IQSEC1: variants seen among roughly 807,000 people sequenced by gnomAD.
IQSEC1 encodes IQ motif and SEC7 domain-containing protein 1.
In IQSEC1, 31 loss-of-function variants were observed where a neutral mutation model predicts 91.0. The ratio of observed to expected loss-of-function variants is 0.34; its 90% CI spans 0.26 to 0.46. The LOEUF is 0.46. IQSEC1 is among the 20% of genes least tolerant of loss of function. The pLI is 1.00. For synonymous variants in IQSEC1, 699 were observed against 662.6 expected (o/e 1.05, Z -0.84); for missense variants, 1,388 against 1,575.6 (o/e 0.88, Z 2.02).
rs1169390819 is a variant in IQSEC1, at chr3:13,103,743, C to G, written c.303-56221G>C. 6.6e-6 allele frequency among the ~76,000 whole-genome samples: 1 copy of G among 152,146 alleles called. No homozygotes were observed. On this transcript the variant is annotated intron_variant, in intron 2 of 15. Transcript: ENST00000648114. The surrounding 1 kb of genome is among the most constrained non-coding windows in gnomAD (Gnocchi z 4.1). ...TGACCCCCAGAGGGTGCGCCTCCTA[C>G]CCCTGGGAGCTCCCCGGTATTCCAT...
At chr3:12,976,587 C>T (rs1701185816) in intron 1 of IQSEC1, among the ~76,000 whole-genome samples, 1 of 152,212 alleles carries the variant, frequency 6.6e-6, no homozygotes, top group Admixed American at 6.5e-5. Flanking sequence ...GTCACTTCTT[C>T]CTCGGGACCT....
In IQSEC1 at chr3:13,057,608, A is replaced by C. The variant is rs543464225; in HGVS notation, c.23+15384T>G. On this transcript the variant is annotated intron_variant, in intron 1 of 13. Coordinates refer to ENST00000613206, the MANE Select transcript of IQSEC1 (RefSeq NM_001134382.3). Reference sequence around the variant, plus strand: ...CAGCCCTGGTCTTAGGTGGCCGAGCACAGACAGGAGAAGCACCTGGCACAG... The same window carrying C: ...CAGCCCTGGTCTTAGGTGGCCGAGCCCAGACAGGAGAAGCACCTGGCACAG... Among the ~76,000 whole-genome samples the C allele has an allele frequency of 2.0e-5, 3 of 152,326 alleles. No homozygotes were observed. In the East Asian group the frequency reaches 5.8e-4, roughly 29 times the overall value.
intron 1 of IQSEC1, among the ~76,000 whole-genome samples, chr3:13,013,690 A>G (rs557822353): frequency 6.6e-6 from 1 of 152,306 alleles, no homozygotes; most frequent in South Asian, 2.1e-4. Context: ...TTAGTCATAT[A>G]TTGCTTGACT....
At chr3:13,108,680 G>C (rs1706192980) in intron 2 of IQSEC1, among the ~76,000 whole-genome samples, 1 of 152,164 alleles carries the variant, frequency 6.6e-6, no homozygotes, top group East Asian at 1.9e-4. Context: ...CTCCAGGGTA[G>C]AAAACCCAGC....
intron 2 of IQSEC1, among the ~76,000 whole-genome samples, chr3:13,120,436 GC>G (rs1397938444): frequency 6.6e-6 from 1 of 152,152 alleles, no homozygotes; most frequent in Non-Finnish European, 1.5e-5. Context: ...TCCCATTCCT[GC>G]TCTGCTGCCC....
chr3:13,012,311 G>A (rs73147220), intron 1 of IQSEC1, among the ~76,000 whole-genome samples: 3 of 152,142 alleles, frequency 2.0e-5, no homozygotes, highest in Non-Finnish European at 2.9e-5. Flanking sequence ...CATTTGCCAG[G>A]CTACCTCCTC....
At chr3:12,933,627 G>T (rs1469036144) in intron 3 of IQSEC1, among the ~76,000 whole-genome samples, 3 of 152,186 alleles carry the variant, frequency 2.0e-5, no homozygotes, top group Admixed American at 2.0e-4. Flanking sequence ...GGGACGGGGG[G>T]TTATGCTGCC....
intron 2 of IQSEC1, among the ~76,000 whole-genome samples, chr3:13,092,855 C>A (rs910463077): frequency 6.6e-6 from 1 of 152,234 alleles, no homozygotes; most frequent in Non-Finnish European, 1.5e-5. Context: ...AACTTTCCAT[C>A]TCCAAGGCCG....
chr3:13,207,359 C>T lies in IQSEC1; in HGVS notation c.273-43226G>A, dbSNP rs975097492. On this transcript the variant is annotated intron_variant, in intron 1 of 15. Coordinates refer to the IQSEC1 transcript ENST00000648114. This position sits in a 1 kb window ranked among gnomAD's most constrained non-coding sequence, Gnocchi z 4.8. Reference sequence around the variant, plus strand: ...CCCATCGCCAATCTGCCTACTTCTCCCCCTCCACGGCCACCTCCCTGACCC... The same window carrying T: ...CCCATCGCCAATCTGCCTACTTCTCTCCCTCCACGGCCACCTCCCTGACCC... Among the ~76,000 whole-genome samples the T allele has an allele frequency of 6.6e-6, 1 of 152,150 alleles. No homozygotes were observed. The highest frequency in any genetic ancestry group is 1.5e-5 in the Non-Finnish European group (1 of 68,030).
intron 1 of IQSEC1, among the ~76,000 whole-genome samples, chr3:13,165,537 C>CGTGTGTGTGTGT (rs57239903): frequency 1.4e-4 from 9 of 66,642 alleles, no homozygotes; most frequent in African/African-American, 4.0e-4. Context: ...GGGGGGGTGG[C>CGTGTGTGTGTGT]GTGTGTGTGT....
chr3:12,965,491 G>A (rs939761124), intron 1 of IQSEC1, among the ~76,000 whole-genome samples: 3 of 152,214 alleles, frequency 2.0e-5, no homozygotes, highest in Non-Finnish European at 4.4e-5. Flanking sequence ...CACATACCAG[G>A]TGCTCCAGAG....
intron 1 of IQSEC1, among the ~76,000 whole-genome samples, chr3:13,172,141 T>C (rs1373723374): frequency 2.6e-5 from 4 of 152,200 alleles, no homozygotes; most frequent in Admixed American, 6.5e-5. Flanking sequence ...CCTGTCCAAA[T>C]AGCATTTGAG....
chr3:13,041,072 C>T (rs1478523216), intron 1 of IQSEC1, among the ~76,000 whole-genome samples: 1 of 152,168 alleles, frequency 6.6e-6, no homozygotes, highest in Non-Finnish European at 1.5e-5. Flanking sequence ...TGGTTTTATT[C>T]TGCTCACCTG....
chr3:13,086,934 G>A lies in IQSEC1; in HGVS notation c.303-39412C>T, dbSNP rs1269265056. Among the ~76,000 whole-genome samples the A allele has an allele frequency of 3.9e-5, 6 of 152,234 alleles. No individual in the cohort carries two copies. In the East Asian group the frequency reaches 5.8e-4, roughly 15 times the overall value. Reference sequence around the variant, plus strand: ...AGGGTCACCCCCTGTCTTGGTTATCGTGGCATCCCCCAGTGCACTGAATGG... The same window carrying A: ...AGGGTCACCCCCTGTCTTGGTTATCATGGCATCCCCCAGTGCACTGAATGG... On this transcript the variant is annotated intron_variant, in intron 2 of 15. Transcript: ENST00000648114.
chr3:12,978,576 G>A (rs1156415785), intron 1 of IQSEC1, among the ~76,000 whole-genome samples: 3 of 151,928 alleles, frequency 2.0e-5, no homozygotes, highest in African/African-American at 7.3e-5. Flanking sequence ...CGTGGGGCGG[G>A]TGCCTGTACT....
intron 1 of IQSEC1, among the ~76,000 whole-genome samples, chr3:13,050,365 C>A (rs1704651641): frequency 6.6e-6 from 1 of 152,110 alleles, no homozygotes; most frequent in South Asian, 2.1e-4. Context: ...CTCAGCCCAG[C>A]AGTCCTGAAT....
intron 2 of IQSEC1, among the ~76,000 whole-genome samples, chr3:13,118,854 C>A (rs1057201869): frequency 6.6e-6 from 1 of 152,072 alleles, no homozygotes; most frequent in Non-Finnish European, 1.5e-5. Context: ...GGTGGTGGGT[C>A]ACCAGGTCAA....
intron 13 of IQSEC1, among the ~76,000 whole-genome samples, chr3:12,901,768 T>C (rs552961822): frequency 6.6e-6 from 1 of 152,092 alleles, no homozygotes; most frequent in Non-Finnish European, 1.5e-5. Flanking sequence ...GGCCCATCTC[T>C]CTGACCACCA....
chr3:12,908,617 G>A lies in IQSEC1; in HGVS notation c.2579-92C>T, dbSNP rs1695246478. 2 of 1,366,246 alleles carry A rather than the reference G, an allele frequency of 1.5e-6. No individual in the cohort carries two copies. The highest frequency in any genetic ancestry group is 3.7e-5 in the Admixed American group (2 of 54,298). 84.6% of individuals were successfully genotyped at this position (1,366,246 alleles called of 1,614,324 possible). A position where few individuals can be genotyped will look rare whatever the true frequency, so the allele number is the denominator to read the frequency against. On this transcript the variant is annotated intron_variant, in intron 11 of 13. Transcript: ENST00000613206. The surrounding 1 kb of genome is among the most constrained non-coding windows in gnomAD (Gnocchi z 4.9). ...TTCTGCTTGGAGCTAGCACTGTCCT[G>A]AGCCACCATCTGCTTGGAATGGGGA...
Sources: allele counts gnomAD v4.1 joint callset (sites outside exome capture counted in the v4.1 genomes callset), GRCh38; gene constraint gnomAD v4.1.1; non-coding constraint Gnocchi (gnomAD v3.1); transcripts MANE v1.5; gene names NCBI Gene and HGNC (gene_info 2026-07-23, HGNC 2026-07-21).